Variants in POTEF observed in about 807,000 individuals in gnomAD.
POTEF encodes the protein ANKRD26-like family C member 1B.
POTEF carries 20 observed loss-of-function variants against 83.2 expected under a neutral mutation model. The observed-to-expected ratio is 0.24, with a 90% CI of 0.17 to 0.35. The LOEUF is 0.35. POTEF is among the 10% of genes least tolerant of loss of function. POTEF has a pLI of 1.00. For missense variants in POTEF, 550 were observed against 1,203.2 expected (o/e 0.46, Z 8.03); for synonymous variants, 196 against 446.4 (o/e 0.44, Z 7.07).
chr2:130,126,413 C>T (rs1420543052), intron 2 of POTEF, among the ~76,000 whole-genome samples: 3 of 151,988 alleles, frequency 2.0e-5, no homozygotes, highest in African/African-American at 7.3e-5. Context: ...CCCCGTGACT[C>T]CTGCATAGCT....
At chr2:130,117,206 AAAGAT>A (rs1364434225) in intron 3 of POTEF, among the ~76,000 whole-genome samples, 1 of 151,862 alleles carries the variant, frequency 6.6e-6, no homozygotes, top group Non-Finnish European at 1.5e-5. Flanking sequence ...TATCTAATGA[AAAGAT>A]AATTATGTAA....
chr2:130,117,273 A>G (rs1477849341), intron 3 of POTEF, among the ~76,000 whole-genome samples: 1 of 151,962 alleles, frequency 6.6e-6, no homozygotes, highest in South Asian at 2.1e-4. Context: ...CAATCCCTCT[A>G]CTTCTGAAGA....
Position 130,074,921 on chromosome 2 carries a change from T to C in POTEF, c.2551A>G (p.Ile851Val). 1 of 1,603,954 alleles carries C rather than the reference T, an allele frequency of 6.2e-7. No homozygotes were observed. Among genetic ancestry groups the C allele is most frequent in the Non-Finnish European group, 8.5e-7 (1 of 1,177,098 alleles). Residue 851 changes from isoleucine to valine, a missense_variant, in exon 17 of 17, where the codon ATC becomes GTC. Ile to Val is a conservative substitution (Grantham distance 29). Coordinates refer to ENST00000409914, the MANE Select transcript of POTEF (RefSeq NM_001099771.2). Reference protein sequence around the residue: ...SLYTSGRTTGIVMDSGDGVTH... With the variant: ...SLYTSGRTTGVVMDSGDGVTH... Reference sequence around the variant, plus strand: ...ACCCCGTCACCAGAGTCCATCACGATGCCAGTAGTACGGCCAGAGGTGTAC... The same window carrying C: ...ACCCCGTCACCAGAGTCCATCACGACGCCAGTAGTACGGCCAGAGGTGTAC...
intron 8 of POTEF, among the ~76,000 whole-genome samples, chr2:130,102,756 T>C (rs1025286441): frequency 1.5e-4 from 23 of 151,624 alleles, no homozygotes; most frequent in Non-Finnish European, 2.6e-4. Context: ...CCTGTTGACC[T>C]TCAATGCAGC....
intron 11 of POTEF, among the ~76,000 whole-genome samples, chr2:130,094,738 A>G (rs1207252609): frequency 2.5e-5 from 1 of 39,334 alleles, no homozygotes; most frequent in Non-Finnish European, 4.9e-5. Flanking sequence ...CAATGAACTG[A>G]GATCGCGCCA....
At chr2:130,119,409 GC>G (rs1684939177) in intron 3 of POTEF, among the ~76,000 whole-genome samples, 1 of 151,702 alleles carries the variant, frequency 6.6e-6, no homozygotes, top group Non-Finnish European at 1.5e-5. Context: ...CTCATGATCC[GC>G]CCGCCTCCCA....
intron 3 of POTEF, among the ~76,000 whole-genome samples, chr2:130,119,002 T>C (rs1400420476): frequency 2.0e-5 from 3 of 151,734 alleles, no homozygotes; most frequent in Admixed American, 6.6e-5. Flanking sequence ...TGGAAATAAA[T>C]AACATGCACA....
At position 130,106,132 on chromosome 2, in the gene POTEF, C is replaced by T. The variant is rs895356876; in HGVS notation, c.1126+1877G>A. Reference sequence around the variant, plus strand: ...CGGATTAGCCAACCATGAAAGGAGACGTGAATAAAACACTGTCAACAGCAC... The same window carrying T: ...CGGATTAGCCAACCATGAAAGGAGATGTGAATAAAACACTGTCAACAGCAC... On this transcript the variant is annotated intron_variant, in intron 8 of 16. Transcript: ENST00000409914. 3.6e-3 allele frequency among the ~76,000 whole-genome samples: 543 copies of T among 150,958 alleles called. 13 individuals are homozygous for T. Among genetic ancestry groups the T allele is most frequent in the Middle Eastern group, 3.4e-3 (1 of 294 alleles).
chr2:130,107,720 G>C (rs1408514227), intron 8 of POTEF: 5 of 395,174 alleles, frequency 1.3e-5, no homozygotes, highest in Non-Finnish European at 2.3e-5. Context: ...AATGCCTGAT[G>C]ATCTGTCACT....
chr2:130,101,120 A>G, intron 9 of POTEF, among the ~76,000 whole-genome samples: 1 of 123,566 alleles, frequency 8.1e-6, no homozygotes, highest in African/African-American at 3.5e-5. Flanking sequence ...ACTTGAAAAG[A>G]GTTTACCTCA....
At chr2:130,125,956 C>G (rs1035757546) in intron 2 of POTEF, among the ~76,000 whole-genome samples, 6 of 150,432 alleles carry the variant, frequency 4.0e-5, no homozygotes, top group Admixed American at 2.0e-4. Flanking sequence ...TTTTCTCTTG[C>G]AAAGAGGTGG....
chr2:130,079,575 A>G lies in POTEF; in HGVS notation c.1779-2374T>C, dbSNP rs369933371. ...ATATCTACATAAAATAAAAGAAATC[A>G]TACTCTCAAAAGGACACCCGCATAC... On this transcript the variant is annotated intron_variant, in intron 15 of 16. Coordinates refer to ENST00000409914, the MANE Select transcript of POTEF (RefSeq NM_001099771.2). 3.6e-5 allele frequency among the ~76,000 whole-genome samples: 3 copies of G among 83,042 alleles called. 1 individual carries two copies. The highest frequency in any genetic ancestry group is 7.4e-5 in the Non-Finnish European group (3 of 40,660). The allele number at this position is 83,042 out of a possible 152,430, so 54.5% of individuals were successfully genotyped here. A position where few individuals can be genotyped will look rare whatever the true frequency, so the allele number is the denominator to read the frequency against.
intron 16 of POTEF, among the ~76,000 whole-genome samples, chr2:130,076,023 A>G (rs866803108): frequency 8.1e-6 from 1 of 122,708 alleles, no homozygotes; most frequent in African/African-American, 3.1e-5. Flanking sequence ...AGCTATGCAT[A>G]TATTTGGACA....
At position 130,112,008 on chromosome 2, in the gene POTEF, C is replaced by G. The variant is rs753638300; in HGVS notation, c.904G>C (p.Asp302His). The G allele has an allele frequency of 3.9e-6, 6 of 1,540,220 alleles. No individual in the cohort carries two copies. The highest frequency in any genetic ancestry group is 5.2e-6 in the Non-Finnish European group (6 of 1,145,074). ...IKKKANLNAL[D>H]RYGRTALILA... ...AAAGAACTATACCTTCCATATCTATCCAGTGCATTTAAATTCGCTTTTTTC... is the reference window on the plus strand; with the variant it reads ...AAAGAACTATACCTTCCATATCTATGCAGTGCATTTAAATTCGCTTTTTTC... Residue 302 changes from aspartate to histidine, a missense_variant, in exon 6 of 17, where the codon GAT (aspartate) becomes CAT (histidine). Asp to His is a moderately conservative substitution (Grantham distance 81, BLOSUM62 -1). Transcript: ENST00000409914.
At chr2:130,121,832 T>C (rs1453125898) in intron 2 of POTEF, among the ~76,000 whole-genome samples, 1 of 112,660 alleles carries the variant, frequency 8.9e-6, no homozygotes, top group African/African-American at 3.5e-5. Flanking sequence ...TTTAATTCAC[T>C]CATTTAAAGT....
intron 3 of POTEF, among the ~76,000 whole-genome samples, chr2:130,116,658 C>G (rs1221625033): frequency 1.0e-5 from 1 of 99,294 alleles, no homozygotes; most frequent in Non-Finnish European, 2.0e-5. Context: ...TCAACACCAT[C>G]CATGTCCCTG....
At chr2:130,107,300 T>C (rs1331061092) in intron 8 of POTEF, among the ~76,000 whole-genome samples, 1 of 150,746 alleles carries the variant, frequency 6.6e-6, no homozygotes, top group Non-Finnish European at 1.5e-5. Flanking sequence ...AGTAAATATA[T>C]CTCTTTCCAA....
chr2:130,127,429 A>G (rs867448424), intron 2 of POTEF, among the ~76,000 whole-genome samples: 4 of 149,580 alleles, frequency 2.7e-5, no homozygotes. Flanking sequence ...CCTGGCTCAG[A>G]AGGAGGCCAC....
intron 8 of POTEF, among the ~76,000 whole-genome samples, chr2:130,104,228 G>A (rs1331783137): frequency 1.4e-5 from 2 of 146,098 alleles, no homozygotes; most frequent in African/African-American, 5.3e-5. Context: ...TACTTGGTTT[G>A]GGAAGGTGCT....
Sources: allele counts gnomAD v4.1 joint callset (sites outside exome capture counted in the v4.1 genomes callset), GRCh38; gene constraint gnomAD v4.1.1; transcripts MANE v1.5; gene names NCBI Gene and HGNC (gene_info 2026-07-23, HGNC 2026-07-21).